The following G6PC3 variants were observed in gnomAD, a reference collection of about 807,000 sequenced individuals.
G6PC3 encodes glucose-6-phosphatase catalytic subunit 3, also known as glucose-6-phosphatase 3.
In G6PC3, 30 loss-of-function variants were observed where a neutral mutation model predicts 38.6. That is an observed-to-expected ratio of 0.78 (90% CI 0.58 to 1.05). The LOEUF is 1.05. Ranked by LOEUF, G6PC3 falls within the 50% of genes least tolerant of loss-of-function variation. G6PC3 has a pLI of 0.00. For missense variants in G6PC3, 377 were observed against 443.1 expected, an observed-to-expected ratio of 0.85 and a Z score of 1.34; for synonymous variants, 192 against 178.1, an observed-to-expected ratio of 1.08 and a Z score of -0.62.
In G6PC3 at chr17:44,071,068, C is replaced by G; in HGVS notation, c.103C>G (p.Pro35Ala). The change falls in exon 1 of 6, where the codon CCC becomes GCC. Residue 35 changes from proline to alanine, a missense_variant. Coordinates refer to ENST00000269097, the MANE Select transcript of G6PC3 (RefSeq NM_138387.4). ...VWLWITFLGD[P>A]KILFLFYFPA... The stretch of plus-strand genomic sequence containing the variant: ...GCTCTGGATCACCTTTCTGGGCGAT[C>G]CCAAGATCCTCTTTCTGTTCTACTT... 6.2e-7 allele frequency: 1 copy of G among 1,611,880 alleles called. No individual in the cohort carries two copies. Among genetic ancestry groups the G allele is most frequent in the Non-Finnish European group, 8.5e-7 (1 of 1,179,038 alleles).
At chr17:44,071,752 ACT>A (rs1211977484) in intron 1 of G6PC3, 24 of 676,022 alleles carry the variant, frequency 3.6e-5, no homozygotes, top group East Asian at 6.5e-5. Context: ...AAAAACGCAG[ACT>A]CTCAGGCCCC....
rs781398726 is a variant in G6PC3, at chr17:44,074,234, A to C, written c.293A>C (p.His98Pro). The change falls in exon 2 of 6, where the codon CAC (histidine) becomes CCC (proline). Residue 98 changes from histidine (H) to proline (P), a missense_variant. Coordinates refer to ENST00000269097, the MANE Select transcript of G6PC3 (RefSeq NM_138387.4). ...GYYSQAPAQVHQFPSSCETGP... is the reference protein window; with the variant it reads ...GYYSQAPAQVPQFPSSCETGP... The stretch of plus-strand genomic sequence containing the variant: ...TACAGCCAGGCTCCAGCCCAGGTTC[A>C]CCAGTTCCCCTCTTCTTGTGAGACT... 1.2e-6 allele frequency: 2 copies of C among 1,613,820 alleles called. No individual in the cohort carries two copies. Among genetic ancestry groups the C allele is most frequent in the Non-Finnish European group, 8.5e-7 (1 of 1,179,862 alleles).
chr17:44,072,125 G>A (rs769399570), intron 1 of G6PC3: 4 of 206,990 alleles, frequency 1.9e-5, no homozygotes, highest in Admixed American at 1.1e-4. Flanking sequence ...TCTTTTCCAC[G>A]AGGGCCTCAT....
At chr17:44,075,188 C>G in intron 4 of G6PC3, 101 bp downstream of exon 4, 2 of 1,502,564 alleles carry the variant, frequency 1.3e-6, no homozygotes, top group Non-Finnish European at 1.8e-6. Context: ...TAGAGCCCAC[C>G]CCAGAGGCCC....
chr17:44,070,684 C>G (rs893952468), upstream of G6PC3: 17 of 462,084 alleles, frequency 3.7e-5, no homozygotes, highest in Admixed American at 3.4e-4. Flanking sequence ...ACAGTGGCCA[C>G]GTGGGGCCCT....
chr17:44,076,001 CAT>C lies in G6PC3; in HGVS notation c.1000_1001del (p.Met334ValfsTer52). 2 of 1,613,214 alleles carry C rather than the reference CAT, an allele frequency of 1.2e-6. No homozygotes were observed. Among genetic ancestry groups the C allele is most frequent in the Non-Finnish European group, 1.7e-6 (2 of 1,180,008 alleles). On this transcript the variant is annotated frameshift_variant, in exon 6 of 6. Coordinates refer to ENST00000269097, the MANE Select transcript of G6PC3 (RefSeq NM_138387.4). LOFTEE classifies it high-confidence loss of function. ...TGGCCCTCGTGCCCTGGGCAGTGCA[CAT>C]GTTCAGTGCCCAGGAAGCACCGCCC... ...VLALVPWAVH[M>X]FSAQEAPPIH... is the part of the protein sequence containing the mutation.
Position 44,076,109 on chromosome 17 carries a change from G to T in G6PC3, c.*66G>T, listed in dbSNP as rs931529124. The stretch of plus-strand genomic sequence containing the variant: ...AACACTCTGTGACCACCACACTCCA[G>T]GAGGCAGCCCCATCCCCTTCCAGCC... On this transcript the variant is annotated 3_prime_UTR_variant, in exon 6 of 6. Transcript: ENST00000269097. The T allele has an allele frequency of 6.3e-7, 1 of 1,598,588 alleles. No homozygotes were observed. Among genetic ancestry groups the T allele is most frequent in the South Asian group, 1.1e-5 (1 of 90,484 alleles).
At chr17:44,071,512 T>C (rs2049978099) in intron 1 of G6PC3, 2 of 629,776 alleles carry the variant, frequency 3.2e-6, no homozygotes, top group Non-Finnish European at 4.8e-6. Flanking sequence ...TTATTTTTTA[T>C]TTTTGGTTTA....
chr17:44,075,294 C>T lies in G6PC3; in HGVS notation c.536-16C>T. ...TCCCCAGACTCCTTGAAGCTGTTGT[C>T]ACTCCACTCTCCTAGGCGCTGTCCT... On this transcript the variant is annotated splice_polypyrimidine_tract_variant and intron_variant, in intron 4 of 5. Coordinates refer to ENST00000269097, the MANE Select transcript of G6PC3 (RefSeq NM_138387.4). 1.2e-6 allele frequency: 2 copies of T among 1,613,952 alleles called. No individual in the cohort carries two copies. Among genetic ancestry groups the T allele is most frequent in the Non-Finnish European group, 1.7e-6 (2 of 1,179,984 alleles).
chr17:44,074,909 C>A, intron 3 of G6PC3, 60 bp from the exon 4 acceptor site: 1 of 1,485,724 alleles, frequency 6.7e-7, no homozygotes, highest in Non-Finnish European at 9.4e-7. Context: ...TACCTGGGTG[C>A]TGCAGGAGGC....
At position 44,076,252 on chromosome 17, in the gene G6PC3, C is replaced by T. The variant is rs1366514746; in HGVS notation, c.*209C>T. On this transcript the variant is annotated 3_prime_UTR_variant, in exon 6 of 6. Transcript: ENST00000269097. ...TCCCTCTGCCTTTCCTCTCAAGCCC[C>T]CAAAGAGCAAAGGCAACAGCAAGAC... 2 of 754,650 alleles carry T rather than the reference C, an allele frequency of 2.7e-6. No individual in the cohort carries two copies. The highest frequency in any genetic ancestry group is 2.6e-5 in the East Asian group (1 of 38,970). The allele number at this position is 754,650 out of a possible 1,614,324, so 46.7% of individuals were successfully genotyped here.
rs765599190 is a variant in G6PC3, at chr17:44,076,146, C to A, written c.*103C>A. The A allele has an allele frequency of 2.1e-6, 3 of 1,442,328 alleles. No homozygotes were observed. In the African/African-American group the frequency reaches 4.2e-5, roughly 20 times the overall value. The allele number at this position is 1,442,328 out of a possible 1,614,324, so 89.3% of individuals were successfully genotyped here. On this transcript the variant is annotated 3_prime_UTR_variant, in exon 6 of 6. Transcript: ENST00000269097. The stretch of plus-strand genomic sequence containing the variant: ...ATCCCCTTCCAGCCCCTAAGTAGGC[C>A]CTCCCCTCCCTAAATCTGCTTCCGC...
chr17:44,075,210 TCA>T, intron 4 of G6PC3, 98 bp from the exon 5 acceptor site: 1 of 1,548,324 alleles, frequency 6.5e-7, no homozygotes, highest in Non-Finnish European at 8.9e-7. Flanking sequence ...CCGTTATGTC[TCA>T]GTTTATTCTC....
intron 1 of G6PC3, chr17:44,072,482 AC>A (rs2050000082): frequency 6.6e-6 from 1 of 151,870 alleles, no homozygotes; most frequent in Non-Finnish European, 1.5e-5. Context: ...GGCGTGTGCC[AC>A]CACACTCGGC....
At position 44,070,760 on chromosome 17, in the gene G6PC3, C is replaced by T. The variant is rs541911836; in HGVS notation, c.-206C>T. On this transcript the variant is annotated 5_prime_UTR_variant, in exon 1 of 6. Coordinates refer to ENST00000269097, the MANE Select transcript of G6PC3 (RefSeq NM_138387.4). Reference sequence around the variant, plus strand: ...AGTAGGGAGGAAAACCGGAGGAGAGCGCAGGAGGAAACAGTACCGGCTGGA... The same window carrying T: ...AGTAGGGAGGAAAACCGGAGGAGAGTGCAGGAGGAAACAGTACCGGCTGGA... 46 of 652,894 alleles carry T rather than the reference C, an allele frequency of 7.0e-5. No individual in the cohort carries two copies. In the South Asian group the frequency reaches 7.8e-4, roughly 11 times the overall value. 40.4% of individuals were successfully genotyped at this position (652,894 alleles called of 1,614,324 possible).
At position 44,071,095 on chromosome 17, in the gene G6PC3, C is replaced by T. The variant is rs775224457; in HGVS notation, c.130C>T (p.Pro44Ser). The T allele has an allele frequency of 1.7e-5, 28 of 1,613,854 alleles. No individual in the cohort carries two copies. The South Asian group carries it at 2.6e-4, about 15-fold the overall frequency. Residue 44 changes from proline (P) to serine (S), a missense_variant, in exon 1 of 6, where the codon CCC becomes TCC. Coordinates refer to ENST00000269097, the MANE Select transcript of G6PC3 (RefSeq NM_138387.4). ...CAAGATCCTCTTTCTGTTCTACTTC[C>T]CCGCGGCCTACTACGCCTCCCGCCG... ...DPKILFLFYF[P>S]AAYYASRRVG...
chr17:44,075,444 C>G lies in G6PC3; in HGVS notation c.670C>G (p.Leu224Val). 5 of 1,614,176 alleles carry G rather than the reference C, an allele frequency of 3.1e-6. No individual in the cohort carries two copies. The highest frequency in any genetic ancestry group is 4.2e-6 in the Non-Finnish European group (5 of 1,180,030). ...YWTLFTLGLD[L>V]SWSISLAFKW... Reference sequence around the variant, plus strand: ...GACCCTCTTTACACTGGGCCTGGATCTTTCTTGGTAAGTCTCGCTTTGAAG... The same window carrying G: ...GACCCTCTTTACACTGGGCCTGGATGTTTCTTGGTAAGTCTCGCTTTGAAG... Residue 224 changes from leucine to valine, a missense_variant, in exon 5 of 6, where the codon CTT (leucine) becomes GTT (valine). Physicochemically the swap from Leu to Val is conservative, Grantham distance 32 (BLOSUM62 1). Transcript: ENST00000269097.
chr17:44,071,154 CACCGAGTGGCTCA>C lies in G6PC3; in HGVS notation c.193_205del (p.Glu65SerfsTer48). The C allele has an allele frequency of 6.2e-7, 1 of 1,613,902 alleles. No homozygotes were observed. The highest frequency in any genetic ancestry group is 1.1e-5 in the South Asian group (1 of 91,034). ...TCGCGGTGCTCTGGATCAGCCTCAT[CACCGAGTGGCTCA>C]ACCTCATCTTCAAGTGGTGAGACAG... On this transcript the variant is annotated frameshift_variant, in exon 1 of 6. Transcript: ENST00000269097.
chr17:44,076,054 G>A lies in G6PC3; in HGVS notation c.*11G>A, dbSNP rs760190817. On this transcript the variant is annotated 3_prime_UTR_variant, in exon 6 of 6. Transcript: ENST00000269097. ...ATCCACTCTTCCTGACTTCTTGTGT[G>A]CCTCCCTTTCCTTTCCCTCCCACAA... 3 of 1,611,856 alleles carry A rather than the reference G, an allele frequency of 1.9e-6. No homozygotes were observed. The highest frequency in any genetic ancestry group is 2.5e-6 in the Non-Finnish European group (3 of 1,180,026).
Sources: gnomAD v4.1 joint callset for allele counts on GRCh38, gnomAD v4.1.1 for gene constraint, MANE v1.5 for transcripts, NCBI Gene and HGNC (gene_info 2026-07-23, HGNC 2026-07-21) for gene names.